The following CA10 variants were observed in gnomAD, a reference collection of about 807,000 sequenced individuals.
CA10 encodes the protein carbonic anhydrase-related protein 10.
Under a neutral mutation model 44.2 loss-of-function variants are expected in CA10, and 14 were observed. The ratio of observed to expected loss-of-function variants is 0.32; its 90% confidence interval spans 0.21 to 0.50. CA10 has a LOEUF of 0.50. CA10 is among the 20% of genes least tolerant of loss of function. The probability of loss-of-function intolerance (pLI) is 0.99; values close to 1 mark genes in which losing one functional copy is unlikely to be tolerated. For synonymous variants in CA10, 159 were observed against 141.6 expected (o/e 1.12, Z -0.87); for missense variants, 350 against 409.7 (o/e 0.85, Z 1.26).
intron 1 of CA10, among the ~76,000 whole-genome samples, chr17:52,133,853 T>C (rs1395469461): frequency 1.3e-5 from 2 of 152,144 alleles, no homozygotes; most frequent in African/African-American, 4.8e-5. Flanking sequence ...TAATGGTCAA[T>C]TAATGGTCAC....
chr17:51,661,696 A>T (rs1462560309), intron 4 of CA10: 1 of 152,226 alleles, frequency 6.6e-6, no homozygotes, highest in Non-Finnish European at 1.5e-5. Context: ...TGGATCCGAC[A>T]TTGAGTCTGT....
At chr17:52,079,271 G>A (rs1051551896) in intron 1 of CA10, among the ~76,000 whole-genome samples, 36 of 152,042 alleles carry the variant, frequency 2.4e-4, no homozygotes, top group Non-Finnish European at 1.9e-4. Context: ...GGGCGACAGA[G>A]CGAAACTCCG....
chr17:52,049,375 C>G (rs554737128), intron 2 of CA10, among the ~76,000 whole-genome samples: 1 of 152,060 alleles, frequency 6.6e-6, no homozygotes, highest in African/African-American at 2.4e-5. Context: ...ATATGGCCAA[C>G]AATCATAATA....
intron 4 of CA10, among the ~76,000 whole-genome samples, chr17:51,690,001 G>A (rs746815544): frequency 6.6e-6 from 1 of 151,320 alleles, no homozygotes; most frequent in Non-Finnish European, 1.5e-5. Flanking sequence ...AGGCTGGAGT[G>A]CAGTGGCATG....
At chr17:51,689,739 C>G (rs1915124240) in intron 4 of CA10, among the ~76,000 whole-genome samples, 1 of 152,138 alleles carries the variant, frequency 6.6e-6, no homozygotes. Flanking sequence ...CCTTTTCTTT[C>G]TCTTTTTTCC....
At chr17:51,863,674 G>T (rs961113563) in intron 3 of CA10, among the ~76,000 whole-genome samples, 4 of 152,104 alleles carry the variant, frequency 2.6e-5, no homozygotes, top group Admixed American at 6.6e-5. Flanking sequence ...ACACCCTCAG[G>T]TTTGGTAATT....
At chr17:52,111,854 TA>T (rs1344201751) in intron 1 of CA10, among the ~76,000 whole-genome samples, 1 of 152,144 alleles carries the variant, frequency 6.6e-6, no homozygotes, top group Non-Finnish European at 1.5e-5. Context: ...TAGGGACAAA[TA>T]AAAAGGAGCC....
chr17:51,903,645 AT>A (rs754833333), intron 3 of CA10, among the ~76,000 whole-genome samples: 12 of 152,104 alleles, frequency 7.9e-5, no homozygotes, highest in African/African-American at 2.4e-4. Flanking sequence ...ACTCTTTCTA[AT>A]TTTTTCCCCT....
intron 2 of CA10, among the ~76,000 whole-genome samples, chr17:51,990,040 C>A (rs2144102025): frequency 6.6e-6 from 1 of 152,282 alleles, no homozygotes; most frequent in Admixed American, 6.5e-5. Context: ...AGCCTGCTTC[C>A]AGAATCCAGT....
intron 2 of CA10, among the ~76,000 whole-genome samples, chr17:51,976,956 T>C (rs1055380099): frequency 6.6e-5 from 10 of 152,122 alleles, no homozygotes; most frequent in African/African-American, 2.2e-4. Context: ...TTTTACAATA[T>C]AGATTAAACG....
At chr17:51,929,846 A>G (rs1379363371) in intron 3 of CA10, among the ~76,000 whole-genome samples, 2 of 152,178 alleles carry the variant, frequency 1.3e-5, no homozygotes, top group Non-Finnish European at 2.9e-5. Flanking sequence ...TGACCTATAT[A>G]TGACCTTTCC....
chr17:51,774,658 G>A (rs1162646955), intron 3 of CA10, among the ~76,000 whole-genome samples: 6 of 152,032 alleles, frequency 3.9e-5, no homozygotes, highest in African/African-American at 1.4e-4. Context: ...TGCCTAGGCT[G>A]GTCTCGAACT....
intron 1 of CA10, among the ~76,000 whole-genome samples, chr17:52,084,517 G>A (rs1362249804): frequency 6.6e-6 from 1 of 152,152 alleles, no homozygotes; most frequent in African/African-American, 2.4e-5. Flanking sequence ...TTTGGAACTT[G>A]AATTGTCTGG....
At chr17:52,032,567 G>A (rs183207210) in intron 2 of CA10, among the ~76,000 whole-genome samples, 1 of 152,256 alleles carries the variant, frequency 6.6e-6, no homozygotes, top group African/African-American at 2.4e-5. Flanking sequence ...AATGGGCTAT[G>A]CCTCTGCAGA....
intron 2 of CA10, among the ~76,000 whole-genome samples, chr17:52,014,304 G>C (rs147529532): frequency 8.5e-5 from 13 of 152,098 alleles, no homozygotes; most frequent in Non-Finnish European, 1.5e-4. Flanking sequence ...ACCAGTGGCA[G>C]AAGGGAAAGC....
chr17:51,956,935 T>C (rs578163900), intron 2 of CA10, among the ~76,000 whole-genome samples: 1 of 152,288 alleles, frequency 6.6e-6, no homozygotes, highest in East Asian at 1.9e-4. Flanking sequence ...TAGGAGATGC[T>C]GTTCATGCTA....
At chr17:52,127,869 A>T (rs1297386449) in intron 1 of CA10, among the ~76,000 whole-genome samples, 1 of 152,204 alleles carries the variant, frequency 6.6e-6, no homozygotes, top group East Asian at 1.9e-4. Flanking sequence ...CCTGTGTTTC[A>T]CCTGACCATT....
At chr17:51,871,591 G>A (rs887319865) in intron 3 of CA10, among the ~76,000 whole-genome samples, 5 of 149,846 alleles carry the variant, frequency 3.3e-5, no homozygotes, top group Non-Finnish European at 7.4e-5. Context: ...CGCCATGTTG[G>A]TCAGCCTGGT....
chr17:51,793,360 T>C, intron 3 of CA10, among the ~76,000 whole-genome samples: 1 of 151,816 alleles, frequency 6.6e-6, no homozygotes, highest in Non-Finnish European at 1.5e-5. Context: ...ATGATGGGGG[T>C]GGGTTTAGGG....
Sources: allele counts gnomAD v4.1 joint callset (sites outside exome capture counted in the v4.1 genomes callset), GRCh38; gene constraint gnomAD v4.1.1; transcripts MANE v1.5; gene names NCBI Gene and HGNC (gene_info 2026-07-23, HGNC 2026-07-21).